Variants in PARD3B observed in about 807,000 individuals in gnomAD.
The protein encoded by PARD3B is par-3 family cell polarity regulator beta, also known as partitioning defective 3 homolog B.
PARD3B carries 103 observed loss-of-function variants against 130.2 expected under a neutral mutation model. That is an observed-to-expected ratio of 0.79 (90% confidence interval 0.67 to 0.93). The LOEUF (loss-of-function observed/expected upper bound fraction) is 0.93. PARD3B is among the 40% of genes least tolerant of loss of function. The pLI, the probability that PARD3B is intolerant of heterozygous loss-of-function variation, is 0.00. For missense variants in PARD3B, 1,609 were observed against 1,499.2 expected, an observed-to-expected ratio of 1.07 and a Z score of -1.21; for synonymous variants, 583 against 553.2, an observed-to-expected ratio of 1.05 and a Z score of -0.76.
chr2:205,045,147 A>T (rs187600811), intron 3 of PARD3B, among the ~76,000 whole-genome samples: 2 of 150,560 alleles, frequency 1.3e-5, no homozygotes, highest in East Asian at 3.9e-4. Context: ...AATAGCTGAT[A>T]CACTGGTACA....
At chr2:204,846,163 G>A (rs1286539419) in intron 2 of PARD3B, among the ~76,000 whole-genome samples, 1 of 152,086 alleles carries the variant, frequency 6.6e-6, no homozygotes, top group African/African-American at 2.4e-5. Context: ...CATGCTCACT[G>A]TCTAGGAATT....
chr2:205,406,635 A>T (rs930434380), intron 19 of PARD3B, among the ~76,000 whole-genome samples: 12 of 148,576 alleles, frequency 8.1e-5, no homozygotes, highest in African/African-American at 3.0e-4. Flanking sequence ...TAAGCCACAT[A>T]GCACCTAAAA....
chr2:204,702,423 T>C (rs1197028967), intron 2 of PARD3B, among the ~76,000 whole-genome samples: 1 of 152,180 alleles, frequency 6.6e-6, no homozygotes, highest in South Asian at 2.1e-4. Context: ...TTTGACTTTT[T>C]AAGCCATTCT....
intron 13 of PARD3B, among the ~76,000 whole-genome samples, chr2:205,182,899 C>A (rs1347977857): frequency 6.6e-6 from 1 of 152,046 alleles, no homozygotes; most frequent in African/African-American, 2.4e-5. Flanking sequence ...CTCTCATAAC[C>A]ACTGAGACTG....
At chr2:204,894,421 T>C (rs1468387831) in intron 2 of PARD3B, among the ~76,000 whole-genome samples, 1 of 151,924 alleles carries the variant, frequency 6.6e-6, no homozygotes, top group Non-Finnish European at 1.5e-5. Context: ...ACATGAAAGA[T>C]ATTATAGTGA....
rs186666706 is a variant in PARD3B, at chr2:204,675,421, T to C, written c.121-10760T>C. On this transcript the variant is annotated intron_variant, in intron 1 of 22. Transcript: ENST00000406610. The surrounding 1 kb of genome is among the most constrained non-coding windows in gnomAD (Gnocchi z 4.4). ...CTGTATATAAACCTGAAGAGTTACA[T>C]AAGGCCTATACTTTCATGCATTTAA... 9.6e-4 allele frequency among the ~76,000 whole-genome samples: 146 copies of C among 152,278 alleles called. No homozygotes were observed. The highest frequency in any genetic ancestry group is 3.3e-3 in the African/African-American group (139 of 41,564).
intron 3 of PARD3B, among the ~76,000 whole-genome samples, chr2:205,043,765 G>A (rs563800375): frequency 1.3e-5 from 2 of 151,968 alleles, no homozygotes; most frequent in African/African-American, 2.4e-5. Context: ...GCCCTCTGTT[G>A]TGCATTAGGA....
intron 2 of PARD3B, among the ~76,000 whole-genome samples, chr2:204,891,483 C>T (rs1228185572): frequency 1.3e-5 from 2 of 152,146 alleles, no homozygotes; most frequent in Non-Finnish European, 2.9e-5. Flanking sequence ...TGCCAAGTGC[C>T]ACAGTGGGTC....
At chr2:204,805,952 T>G (rs546765646) in intron 2 of PARD3B, among the ~76,000 whole-genome samples, 1 of 152,070 alleles carries the variant, frequency 6.6e-6, no homozygotes, top group Admixed American at 6.6e-5. Flanking sequence ...CCACAGCTAC[T>G]ATCATATTAT....
chr2:205,488,648 A>G (rs935158742), intron 20 of PARD3B, among the ~76,000 whole-genome samples: 1 of 152,182 alleles, frequency 6.6e-6, no homozygotes, highest in African/African-American at 2.4e-5. Flanking sequence ...GCCATGTTGT[A>G]CAAGTAATAT....
chr2:204,608,773 T>C (rs1205131473), intron 1 of PARD3B, among the ~76,000 whole-genome samples: 1 of 152,188 alleles, frequency 6.6e-6, no homozygotes, highest in Non-Finnish European at 1.5e-5. Flanking sequence ...ACTTCTATGC[T>C]TTTGCAGTGT....
At chr2:205,369,457 C>T (rs184230080) in intron 18 of PARD3B, among the ~76,000 whole-genome samples, 14 of 152,182 alleles carry the variant, frequency 9.2e-5, no homozygotes, top group African/African-American at 2.4e-4. Flanking sequence ...CACCTCCACA[C>T]GTAGAATGAG....
chr2:205,498,326 A>C (rs1217271524), intron 20 of PARD3B, among the ~76,000 whole-genome samples: 1 of 151,874 alleles, frequency 6.6e-6, no homozygotes, highest in Non-Finnish European at 1.5e-5. Flanking sequence ...ATGTGGTGAA[A>C]TCCTGTCTCT....
chr2:205,316,009 T>G (rs1480146681), intron 18 of PARD3B, among the ~76,000 whole-genome samples: 1 of 152,052 alleles, frequency 6.6e-6, no homozygotes, highest in Admixed American at 6.5e-5. Context: ...GCAGAGGGAC[T>G]TCCTCTGCAA....
At chr2:205,150,009 T>C (rs1358674257) in intron 10 of PARD3B, among the ~76,000 whole-genome samples, 1 of 152,104 alleles carries the variant, frequency 6.6e-6, no homozygotes, top group African/African-American at 2.4e-5. Context: ...AAAGCCTAAG[T>C]TGAAGGTTCT....
chr2:204,683,366 A>G (rs1458809531), intron 1 of PARD3B, among the ~76,000 whole-genome samples: 1 of 152,220 alleles, frequency 6.6e-6, no homozygotes, highest in Non-Finnish European at 1.5e-5. Flanking sequence ...CAGAACACAT[A>G]TGTGAACACC....
At chr2:204,569,509 T>G (rs939227389) in intron 1 of PARD3B, among the ~76,000 whole-genome samples, 34 of 152,246 alleles carry the variant, frequency 2.2e-4, no homozygotes, top group African/African-American at 8.2e-4. Flanking sequence ...GGAATGTGAC[T>G]GTGAATCACT....
At chr2:205,217,499 G>T (rs1460639882) in intron 15 of PARD3B, among the ~76,000 whole-genome samples, 1 of 151,966 alleles carries the variant, frequency 6.6e-6, no homozygotes, top group Non-Finnish European at 1.5e-5. Context: ...TTGCTTGAGA[G>T]AATCATAGTA....
chr2:205,448,938 G>A (rs1191718006), intron 20 of PARD3B, among the ~76,000 whole-genome samples: 2 of 151,862 alleles, frequency 1.3e-5, no homozygotes, highest in Non-Finnish European at 2.9e-5. Context: ...AGGCCGAGGC[G>A]GGTAGATCAC....
Sources: allele counts gnomAD v4.1 joint callset (sites outside exome capture counted in the v4.1 genomes callset), GRCh38; gene constraint gnomAD v4.1.1; non-coding constraint Gnocchi (gnomAD v3.1); transcripts MANE v1.5; gene names NCBI Gene and HGNC (gene_info 2026-07-23, HGNC 2026-07-21).